DMD: variants seen among roughly 807,000 people sequenced by gnomAD.
DMD encodes the protein mutant dystrophin.
A neutral mutation model predicts 330.1 loss-of-function variants in DMD; 63 were observed. That is an observed-to-expected ratio of 0.19 (90% confidence interval 0.16 to 0.24). The LOEUF is 0.24. DMD is among the 10% of genes least tolerant of loss of function. The pLI, the probability that DMD is intolerant of heterozygous loss-of-function variation, is 1.00. For synonymous variants in DMD, 1,223 were observed against 959.8 expected (o/e 1.27, Z -5.07); for missense variants, 3,344 against 2,684.1 (o/e 1.25, Z -5.43).
At chrX:32,445,591 G>A (rs1002011411) in intron 27 of DMD, among the ~76,000 whole-genome samples, 5 of 110,515 alleles carry the variant, frequency 4.5e-5, no homozygotes, top group African/African-American at 1.6e-4. Flanking sequence ...AAAGTAATGA[G>A]ATCCCAGAGA....
At chrX:31,496,015 A>T (rs190092881) in intron 57 of DMD, among the ~76,000 whole-genome samples, 14 of 112,117 alleles carry the variant, frequency 1.2e-4, no homozygotes, top group Non-Finnish European at 2.6e-4. Flanking sequence ...CATTTTTTCT[A>T]TTGATTGCAT....
chrX:31,849,975 C>T (rs1490077083), intron 48 of DMD, among the ~76,000 whole-genome samples: 1 of 110,859 alleles, frequency 9.0e-6, no homozygotes, highest in Non-Finnish European at 1.9e-5. Context: ...GCCTGTTGTA[C>T]AGATTATGTT....
chrX:32,187,451 G>T (rs890504300), intron 44 of DMD, among the ~76,000 whole-genome samples: 1 of 111,257 alleles, frequency 9.0e-6, no homozygotes, highest in Non-Finnish European at 1.9e-5. Context: ...CAGAAAGTTG[G>T]AGTCACAGGT....
intron 2 of DMD, among the ~76,000 whole-genome samples, chrX:32,870,698 GTGCT>G (rs2082882206): frequency 9.0e-6 from 1 of 110,568 alleles, no homozygotes; most frequent in Non-Finnish European, 1.9e-5. Flanking sequence ...TTAATAAATG[GTGCT>G]GGGAAGACTG....
At chrX:32,186,395 AC>A (rs1306022342) in intron 44 of DMD, among the ~76,000 whole-genome samples, 1 of 111,461 alleles carries the variant, frequency 9.0e-6, no homozygotes, top group Non-Finnish European at 1.9e-5. Context: ...TGCAAAATGG[AC>A]TACCTGATTG....
chrX:33,192,689 A>G (rs1033532653), intron 1 of DMD, among the ~76,000 whole-genome samples: 5 of 112,165 alleles, frequency 4.5e-5, no homozygotes, highest in African/African-American at 1.6e-4. Context: ...TCTGGTTTAT[A>G]TAGCAATGAT....
intron 44 of DMD, among the ~76,000 whole-genome samples, chrX:32,036,547 A>AAT (rs1362921387): frequency 9.0e-6 from 1 of 111,678 alleles, no homozygotes; most frequent in Non-Finnish European, 1.9e-5. Flanking sequence ...GGAGAAGCAG[A>AAT]ATTTATAGAT....
At chrX:32,287,411 G>T (rs1161816486) in intron 43 of DMD, 118 bp downstream of exon 43, 2 of 658,619 alleles carry the variant, frequency 3.0e-6, no homozygotes, top group Admixed American at 2.8e-5. Flanking sequence ...ATTTTTCAAT[G>T]AGAGTGATAC....
chrX:32,050,537 G>T (rs895958392), intron 44 of DMD, among the ~76,000 whole-genome samples: 11 of 111,615 alleles, frequency 9.9e-5, no homozygotes, highest in Non-Finnish European at 2.1e-4. Context: ...ACATTAAAAT[G>T]TACAATTAAA....
At chrX:31,794,142 G>T (rs2091708541) in intron 50 of DMD, among the ~76,000 whole-genome samples, 1 of 111,738 alleles carries the variant, frequency 8.9e-6, no homozygotes, top group South Asian at 3.7e-4. Flanking sequence ...TGTTAAAATT[G>T]ATTGAAGATT....
At chrX:32,529,088 A>AT (rs1183694288) in intron 17 of DMD, among the ~76,000 whole-genome samples, 3 of 104,542 alleles carry the variant, frequency 2.9e-5, no homozygotes, top group Admixed American at 1.1e-4. Flanking sequence ...CGTCTGGCTA[A>AT]TTTTTTTTCC....
intron 9 of DMD, among the ~76,000 whole-genome samples, chrX:32,687,028 T>C (rs2062933079): frequency 8.9e-6 from 1 of 112,167 alleles, no homozygotes; most frequent in African/African-American, 3.2e-5. Flanking sequence ...TACTTAATAT[T>C]CTTGGTATTA....
intron 20 of DMD, among the ~76,000 whole-genome samples, chrX:32,488,212 T>C (rs768266412): frequency 4.5e-5 from 5 of 112,289 alleles, no homozygotes; most frequent in Admixed American, 9.5e-5. Context: ...TGTGAACAAT[T>C]AGCCATTATT....
intron 41 of DMD, among the ~76,000 whole-genome samples, chrX:32,331,475 T>C (rs2148723018): frequency 8.9e-6 from 1 of 111,980 alleles, no homozygotes; most frequent in South Asian, 3.7e-4. Context: ...TTATATCCAA[T>C]ATTTCTGAAA....
chrX:31,141,187 G>A lies in DMD; in HGVS notation c.10921+5104C>T, dbSNP rs758613031. Among the ~76,000 whole-genome samples, 6 of 106,037 alleles carry A rather than the reference G, an allele frequency of 5.7e-5. No homozygotes were observed. The South Asian group carries it at 2.0e-3, about 35-fold the overall frequency. 92.1% of individuals were successfully genotyped at this position (106,037 alleles called of 115,157 possible). Reference sequence around the variant, plus strand: ...AGCCTGGGCAATAAAGCGAGACTCCGTCTCACACAAAAGAAACAACAACAA... The same window carrying A: ...AGCCTGGGCAATAAAGCGAGACTCCATCTCACACAAAAGAAACAACAACAA... On this transcript the variant is annotated intron_variant, in intron 76 of 78. Coordinates refer to ENST00000357033, the MANE Select transcript of DMD (RefSeq NM_004006.3).
chrX:33,061,792 T>C (rs1304579967), intron 1 of DMD, among the ~76,000 whole-genome samples: 5 of 111,632 alleles, frequency 4.5e-5, no homozygotes. Flanking sequence ...GAATGGGGTG[T>C]GCATTTGCCC....
intron 62 of DMD, among the ~76,000 whole-genome samples, chrX:31,314,673 T>G (rs1263917137): frequency 9.2e-6 from 1 of 108,427 alleles, no homozygotes; most frequent in African/African-American, 3.4e-5. Context: ...GTTTAAAAAA[T>G]TTGCAACGTG....
intron 2 of DMD, among the ~76,000 whole-genome samples, chrX:32,908,990 A>G (rs1425966247): frequency 9.0e-6 from 1 of 110,980 alleles, no homozygotes; most frequent in Non-Finnish European, 1.9e-5. Flanking sequence ...GCATCTCACT[A>G]GGCAAATGGG....
intron 7 of DMD, among the ~76,000 whole-genome samples, chrX:32,722,758 G>A (rs1253807011): frequency 9.0e-6 from 1 of 110,717 alleles, no homozygotes; most frequent in East Asian, 2.8e-4. Context: ...GCATAAAAAT[G>A]CAACTAATTT....
Sources: gnomAD v4.1 joint callset for allele counts (sites outside exome capture counted in the v4.1 genomes callset) on GRCh38, gnomAD v4.1.1 for gene constraint, MANE v1.5 for transcripts, NCBI Gene and HGNC (gene_info 2026-07-23, HGNC 2026-07-21) for gene names.